RAD17: variants seen among roughly 807,000 people sequenced by gnomAD.
RAD17 encodes RAD17 checkpoint clamp loader component, also known as cell cycle checkpoint protein RAD17.
Under a neutral mutation model 81.5 loss-of-function variants are expected in RAD17, and 31 were observed. The observed-to-expected ratio is 0.38, with a 90% CI of 0.29 to 0.51. The LOEUF (loss-of-function observed/expected upper bound fraction) is 0.51, where lower values mean the gene tolerates loss of function less well. Ranked by LOEUF, RAD17 falls within the 20% of genes least tolerant of loss-of-function variation. The pLI, the probability that RAD17 is intolerant of heterozygous loss-of-function variation, is 0.88. For missense variants in RAD17, 681 were observed against 781.2 expected, an observed-to-expected ratio of 0.87 and a Z score of 1.53; for synonymous variants, 261 against 266.2, an observed-to-expected ratio of 0.98 and a Z score of 0.19.
chr5:69,380,873 C>A (rs1285632056), intron 6 of RAD17, among the ~76,000 whole-genome samples: 1 of 151,382 alleles, frequency 6.6e-6, no homozygotes, highest in African/African-American at 2.4e-5. Context: ...TCAAGTGATT[C>A]TTCCACCTCA....
rs376946219 is a variant in RAD17, at chr5:69,371,162, A to G, written c.-289A>G. 68 of 500,142 alleles carry G rather than the reference A, an allele frequency of 1.4e-4. 1 individual carries two copies. The highest frequency in any genetic ancestry group is 1.1e-3 in the African/African-American group (56 of 50,526). The allele number at this position is 500,142 out of a possible 1,614,324, so 31.0% of individuals were successfully genotyped here. ...GCTCAAATAGAATTGCCTGATTTTA[A>G]TGACAAAAGGTAAGTACATAGTATG... is the stretch of plus-strand genomic sequence containing the variant. On this transcript the variant is annotated 5_prime_UTR_variant, in exon 2 of 19. It removes an upstream start codon present in the reference 5' UTR. Transcript: ENST00000354868.
rs1268431096 is a variant in RAD17 at position 69,398,418 on chromosome 5, A to G, written c.1573-1631A>G. The stretch of plus-strand genomic sequence containing the variant: ...GTAGATGATTGAATTATTTAGAGGT[A>G]AAAAATGGGAGGCACACAAGTTGAA... On this transcript the variant is annotated intron_variant, in intron 16 of 18. Transcript: ENST00000354868. 2.0e-5 allele frequency among the ~76,000 whole-genome samples: 3 copies of G among 152,204 alleles called. No individual in the cohort carries two copies. In the East Asian group the frequency reaches 5.8e-4, roughly 29 times the overall value.
Position 69,373,992 on chromosome 5 carries a change from C to CT in RAD17, c.173dup (p.Ser59IlefsTer18), listed in dbSNP as rs775934888. On this transcript the variant is annotated frameshift_variant, in exon 5 of 19. Transcript: ENST00000354868. LOFTEE classifies it high-confidence loss of function. ...ATTTCCAGCGAGAAAAAGAGGAAAT[C>CT]TATCTTCCTTAGAACAGATTTATGG... is the stretch of plus-strand genomic sequence containing the variant. 6.2e-7 allele frequency: 1 copy of CT among 1,613,024 alleles called. No homozygotes were observed. The highest frequency in any genetic ancestry group is 1.7e-5 in the Admixed American group (1 of 59,982).
In RAD17 at chr5:69,383,691, T is replaced by C. The variant is rs186160296; in HGVS notation, c.509-1106T>C. 1.0e-3 allele frequency among the ~76,000 whole-genome samples: 158 copies of C among 152,258 alleles called. 1 individual carries two copies. The highest frequency in any genetic ancestry group is 3.7e-3 in the African/African-American group (154 of 41,548). On this transcript the variant is annotated intron_variant, in intron 7 of 18. Coordinates refer to ENST00000354868, the MANE Select transcript of RAD17 (RefSeq NM_133338.3). ...CACCACGCCCGGCCCATTATTATTA[T>C]CATTTTTTTAAGAGAGAAAGTCTCA... is the stretch of plus-strand genomic sequence containing the variant.
intron 6 of RAD17, among the ~76,000 whole-genome samples, chr5:69,378,335 A>G (rs1300125387): frequency 2.6e-5 from 4 of 152,200 alleles, no homozygotes; most frequent in Non-Finnish European, 5.9e-5. Flanking sequence ...GGGATTAACA[A>G]GATTCTTCAC....
chr5:69,407,203 A>C (rs1043741807), intron 17 of RAD17, among the ~76,000 whole-genome samples: 4 of 152,026 alleles, frequency 2.6e-5, no homozygotes, highest in Admixed American at 2.0e-4. Flanking sequence ...GGGTTTTACT[A>C]TGTTGGCCAG....
chr5:69,406,652 A>G (rs1580439960), intron 17 of RAD17, among the ~76,000 whole-genome samples: 1 of 151,546 alleles, frequency 6.6e-6, no homozygotes, highest in Middle Eastern at 3.4e-3. Context: ...ACAGGTGCGC[A>G]CCACCACACT....
chr5:69,410,963 G>GTATATA (rs1245435076), intron 18 of RAD17, among the ~76,000 whole-genome samples: 1 of 3,984 alleles, frequency 2.5e-4, no homozygotes, highest in African/African-American at 5.7e-4. Flanking sequence ...ATAGATGTCT[G>GTATATA]TCTATATATA....
In RAD17 at chr5:69,386,237, T is replaced by G; in HGVS notation, c.756T>G (p.Ser252Arg). ...TATTTATAATCTCGGACAGTCTCAG[T>G]GGAGATAATAATCAAAGGTTATTGT... The part of the protein sequence containing the change: ...PLIFIISDSL[S>R]GDNNQRLLFP... Residue 252 changes from serine to arginine, a missense_variant, in exon 10 of 19, where the codon AGT (serine) becomes AGG (arginine). Coordinates refer to ENST00000354868, the MANE Select transcript of RAD17 (RefSeq NM_133338.3). 1 of 1,608,574 alleles carries G rather than the reference T, an allele frequency of 6.2e-7. No homozygotes were observed. The highest frequency in any genetic ancestry group is 8.5e-7 in the Non-Finnish European group (1 of 1,176,546).
chr5:69,398,306 A>T, intron 16 of RAD17, among the ~76,000 whole-genome samples: 1 of 152,328 alleles, frequency 6.6e-6, no homozygotes, highest in East Asian at 1.9e-4. Flanking sequence ...ATTTAAATTA[A>T]TCAAAGAAAG....
chr5:69,388,047 A>C (rs891821620), intron 11 of RAD17, among the ~76,000 whole-genome samples: 12 of 152,126 alleles, frequency 7.9e-5, no homozygotes, highest in African/African-American at 2.9e-4. Context: ...ATTCTCTACT[A>C]TAAGCATGAG....
At chr5:69,393,907 G>GTTTTTT (rs1561260239) in intron 15 of RAD17, among the ~76,000 whole-genome samples, 2 of 48,340 alleles carry the variant, frequency 4.1e-5, no homozygotes, top group African/African-American at 1.3e-4. Flanking sequence ...GTGTTATGGT[G>GTTTTTT]GTTTTTTTTT....
intron 3 of RAD17, 81 bp downstream of exon 3, chr5:69,371,638 C>G (rs182471516): frequency 1.4e-6 from 1 of 732,238 alleles, no homozygotes; most frequent in African/African-American, 1.9e-5. Flanking sequence ...TAACTTATTA[C>G]TGCTATCAAA....
At chr5:69,390,861 G>A (rs1424479361) in intron 12 of RAD17, among the ~76,000 whole-genome samples, 1 of 151,632 alleles carries the variant, frequency 6.6e-6, no homozygotes, top group Non-Finnish European at 1.5e-5. Flanking sequence ...GGCTGAGGTG[G>A]GAGGATCACT....
chr5:69,399,590 A>G (rs1391994043), intron 16 of RAD17, among the ~76,000 whole-genome samples: 1 of 152,134 alleles, frequency 6.6e-6, no homozygotes, highest in Non-Finnish European at 1.5e-5. Context: ...CTTTTATAGC[A>G]TATATATTAA....
chr5:69,380,905 A>G (rs17236247), intron 6 of RAD17, among the ~76,000 whole-genome samples: 44 of 151,632 alleles, frequency 2.9e-4, no homozygotes, highest in African/African-American at 9.5e-4. Context: ...AGCTGGGACT[A>G]TAGGCGCACA....
intron 15 of RAD17, among the ~76,000 whole-genome samples, chr5:69,395,513 A>G (rs1764827790): frequency 6.6e-6 from 1 of 152,128 alleles, no homozygotes; most frequent in Non-Finnish European, 1.5e-5. Flanking sequence ...CCCTATTTTA[A>G]ATAATAATAC....
intron 17 of RAD17, among the ~76,000 whole-genome samples, chr5:69,410,281 A>G (rs1765885013): frequency 6.6e-6 from 1 of 152,154 alleles, no homozygotes; most frequent in East Asian, 1.9e-4. Flanking sequence ...GCAATGCACA[A>G]GGGTTCCAGC....
Position 69,414,447 on chromosome 5 carries a change from T to C in RAD17, c.*155T>C, listed in dbSNP as rs1766253011. 5 of 871,196 alleles carry C rather than the reference T, an allele frequency of 5.7e-6. No homozygotes were observed. Among genetic ancestry groups the C allele is most frequent in the Non-Finnish European group, 8.6e-6 (5 of 582,842 alleles). 54.0% of individuals were successfully genotyped at this position (871,196 alleles called of 1,614,324 possible). A position where few individuals can be genotyped will look rare whatever the true frequency, so the allele number is the denominator to read the frequency against. On this transcript the variant is annotated 3_prime_UTR_variant, in exon 19 of 19. Transcript: ENST00000354868. The stretch of plus-strand genomic sequence containing the variant: ...TTTCATCACAAGAAACCTACTCTTC[T>C]GTCATCTTGAAGTAAATAGAAGATC...
Sources: allele counts gnomAD v4.1 joint callset (sites outside exome capture counted in the v4.1 genomes callset), GRCh38; gene constraint gnomAD v4.1.1; transcripts MANE v1.5; gene names NCBI Gene and HGNC (gene_info 2026-07-23, HGNC 2026-07-21).